WNK2: variants seen among roughly 807,000 people sequenced by gnomAD.
WNK2 encodes serine/threonine-protein kinase WNK2.
In WNK2, 67 loss-of-function variants were observed where a neutral mutation model predicts 192.1. The observed-to-expected ratio is 0.35, with a 90% CI of 0.29 to 0.43. The LOEUF (loss-of-function observed/expected upper bound fraction) is 0.43. WNK2 is among the 20% of genes least tolerant of loss of function. The pLI, the probability that WNK2 is intolerant of heterozygous loss-of-function variation, is 1.00. For missense variants in WNK2, 2,698 were observed against 3,089.7 expected (o/e 0.87, Z 3.01); for synonymous variants, 1,439 against 1,393.9 (o/e 1.03, Z -0.72).
intron 2 of WNK2, among the ~76,000 whole-genome samples, chr9:93,217,028 G>A (rs1017852244): frequency 2.0e-5 from 3 of 151,024 alleles, no homozygotes; most frequent in Non-Finnish European, 2.9e-5. Flanking sequence ...GCGAGATCTC[G>A]GCTCACTGCA....
chr9:93,243,383 C>T (rs1052499876), intron 7 of WNK2, among the ~76,000 whole-genome samples: 9 of 152,204 alleles, frequency 5.9e-5, no homozygotes, highest in Middle Eastern at 3.2e-3. Flanking sequence ...CACAAGTCCC[C>T]GTCCCTGGCA....
At chr9:93,214,022 G>A (rs909490499) in intron 2 of WNK2, among the ~76,000 whole-genome samples, 9 of 152,026 alleles carry the variant, frequency 5.9e-5, no homozygotes, top group Admixed American at 3.3e-4. Flanking sequence ...TTATTAAATT[G>A]TTCTTTTGTA....
chr9:93,220,701 A>T (rs1020599859), intron 2 of WNK2, among the ~76,000 whole-genome samples: 4 of 152,178 alleles, frequency 2.6e-5, no homozygotes, highest in Non-Finnish European at 5.9e-5. Context: ...GAAGGACCAC[A>T]TCTGGTCTGT....
At chr9:93,271,413 G>A (rs1280546599) in intron 19 of WNK2, among the ~76,000 whole-genome samples, 1 of 152,204 alleles carries the variant, frequency 6.6e-6, no homozygotes, top group African/African-American at 2.4e-5. Context: ...GAAAAAGGTA[G>A]CCATGGTGCC....
intron 19 of WNK2, among the ~76,000 whole-genome samples, chr9:93,287,372 C>T (rs1007328992): frequency 1.3e-5 from 2 of 152,188 alleles, no homozygotes; most frequent in African/African-American, 4.8e-5. Context: ...CGCACTGTGC[C>T]TCAGTGTTAG....
Position 93,263,560 on chromosome 9 carries a change from G to T in WNK2, c.3411-6G>T. The T allele has an allele frequency of 1.9e-6, 3 of 1,611,242 alleles. 1 individual carries two copies. The South Asian group carries it at 3.3e-5, about 18-fold the overall frequency. ...GGTGCCATTAATGTTCTTGGGTTTT[G>T]CTCAGCTATGGAGGTTCTGATGTCA... On this transcript the variant is annotated splice_region_variant and splice_polypyrimidine_tract_variant and intron_variant, in intron 14 of 29. Transcript: ENST00000427277.
intron 28 of WNK2, chr9:93,315,774 G>A (rs1854534417): frequency 7.8e-6 from 1 of 127,632 alleles, no homozygotes. Flanking sequence ...TGAACTTTTT[G>A]AAGACCCCTT....
intron 7 of WNK2, among the ~76,000 whole-genome samples, chr9:93,246,898 A>G (rs1352098532): frequency 6.6e-6 from 1 of 152,184 alleles, no homozygotes; most frequent in East Asian, 1.9e-4. Flanking sequence ...GCCCCTTCAA[A>G]AGGGATCTCT....
intron 26 of WNK2, chr9:93,300,461 A>G (rs770191054): frequency 9.4e-4 from 241 of 257,538 alleles, no homozygotes; most frequent in Non-Finnish European, 1.5e-3. Context: ...AGCCCTTTGC[A>G]TTCTTTTCGT....
chr9:93,230,810 G>A, intron 3 of WNK2, 78 bp from the exon 4 acceptor site: 2 of 1,288,728 alleles, frequency 1.6e-6, no homozygotes, highest in South Asian at 2.6e-5. Context: ...CCAGGCCTAA[G>A]CAGTGTTAGG....
chr9:93,277,285 A>C (rs920540372), intron 19 of WNK2, among the ~76,000 whole-genome samples: 1 of 152,218 alleles, frequency 6.6e-6, no homozygotes, highest in African/African-American at 2.4e-5. Flanking sequence ...AAAATGGTAT[A>C]GCCATTCTGG....
intron 2 of WNK2, among the ~76,000 whole-genome samples, chr9:93,195,699 C>CAAAAAA (rs59357990): frequency 0.15 from 6,087 of 41,566 alleles, 933 homozygotes; most frequent in Non-Finnish European, 0.16. Flanking sequence ...GACTTTGTCT[C>CAAAAAA]AAAAAAAAAA....
chr9:93,226,637 AC>A (rs1837866610), intron 2 of WNK2, among the ~76,000 whole-genome samples: 1 of 151,674 alleles, frequency 6.6e-6, no homozygotes, highest in Non-Finnish European at 1.5e-5. Context: ...ACTTCTACCC[AC>A]CCCAGAGGTA....
chr9:93,246,434 C>T (rs555661588), intron 7 of WNK2, among the ~76,000 whole-genome samples: 40 of 152,318 alleles, frequency 2.6e-4, no homozygotes, highest in Non-Finnish European at 5.1e-4. Flanking sequence ...GCATTTACAC[C>T]GCGAAGGTGT....
intron 2 of WNK2, among the ~76,000 whole-genome samples, chr9:93,209,196 G>A (rs1420826484): frequency 1.3e-5 from 2 of 152,128 alleles, no homozygotes; most frequent in South Asian, 2.1e-4. Flanking sequence ...AGGTAGGTGC[G>A]AGCACCTGGC....
At chr9:93,233,412 G>GT (rs1839238906) in intron 4 of WNK2, among the ~76,000 whole-genome samples, 1 of 151,982 alleles carries the variant, frequency 6.6e-6, no homozygotes, top group African/African-American at 2.4e-5. Context: ...TTAAAAAAGA[G>GT]TGGCCAGGCA....
At chr9:93,244,068 T>C (rs955917045) in intron 7 of WNK2, among the ~76,000 whole-genome samples, 4 of 152,230 alleles carry the variant, frequency 2.6e-5, no homozygotes, top group Non-Finnish European at 5.9e-5. Context: ...ATTTCCAGCC[T>C]GGGTGGCAGA....
intron 2 of WNK2, among the ~76,000 whole-genome samples, chr9:93,199,397 C>T (rs1038197580): frequency 6.2e-4 from 94 of 152,204 alleles, no homozygotes; most frequent in Admixed American, 6.1e-3. Flanking sequence ...CACCTGCTGG[C>T]GGCTGGGCTT....
intron 23 of WNK2, among the ~76,000 whole-genome samples, chr9:93,295,819 CCT>C (rs1310583727): frequency 6.8e-6 from 1 of 148,022 alleles, no homozygotes; most frequent in African/African-American, 2.5e-5. Flanking sequence ...ACTTTCCTCC[CCT>C]CTCCATCCTC....
Sources: gnomAD v4.1 joint callset for allele counts (sites outside exome capture counted in the v4.1 genomes callset) on GRCh38, gnomAD v4.1.1 for gene constraint, MANE v1.5 for transcripts, NCBI Gene and HGNC (gene_info 2026-07-23, HGNC 2026-07-21) for gene names.